The following DOCK8 variants were observed in gnomAD, a reference collection of about 807,000 sequenced individuals.
The protein encoded by DOCK8 is dedicator of cytokinesis 8.
In DOCK8, 141 loss-of-function variants were observed where a neutral mutation model predicts 245.6. That is an observed-to-expected ratio of 0.57 (90% CI 0.50 to 0.66). DOCK8 has a LOEUF of 0.66. DOCK8 is among the 30% of genes least tolerant of loss of function. The pLI is 0.00. For synonymous variants in DOCK8, 1,168 were observed against 970.2 expected (o/e 1.20, Z -3.79); for missense variants, 2,965 against 2,603.4 (o/e 1.14, Z -3.02).
intron 1 of DOCK8, among the ~76,000 whole-genome samples, chr9:264,400 T>G (rs1165961994): frequency 6.6e-6 from 1 of 152,246 alleles, no homozygotes; most frequent in South Asian, 2.1e-4. Context: ...GTTCCATGCC[T>G]TCCAAATAAG....
At chr9:211,922 A>C (rs895245914), upstream of DOCK8, among the ~76,000 whole-genome samples, 6 of 152,178 alleles carry the variant, frequency 3.9e-5, no homozygotes, top group African/African-American at 1.4e-4. Flanking sequence ...TTATGGAGAG[A>C]TAGCTAGCTT....
At chr9:418,981 T>C (rs1268203363) in intron 30 of DOCK8, among the ~76,000 whole-genome samples, 1 of 151,872 alleles carries the variant, frequency 6.6e-6, no homozygotes, top group Non-Finnish European at 1.5e-5. Context: ...CTAAGGAGGG[T>C]TGTTTGGCTC....
intron 4 of DOCK8, among the ~76,000 whole-genome samples, chr9:298,635 G>GTT (rs1399056478): frequency 6.6e-6 from 1 of 151,844 alleles, no homozygotes; most frequent in African/African-American, 2.4e-5. Flanking sequence ...GTGTGTGTGT[G>GTT]TGTGTGTGTG....
intron 14 of DOCK8, among the ~76,000 whole-genome samples, chr9:354,138 T>C (rs2014204): frequency 0.55 from 83,140 of 152,036 alleles, 24,220 homozygotes; most frequent in East Asian, 0.82. Context: ...TCAAGACTAG[T>C]CTGGACAACT....
chr9:425,115 A>G (rs1027170190), intron 33 of DOCK8, among the ~76,000 whole-genome samples: 127 of 152,330 alleles, frequency 8.3e-4, no homozygotes, highest in African/African-American at 3.0e-3. Flanking sequence ...AAATAATTTC[A>G]CTTTTTCTTT....
At chr9:437,716 G>A (rs549019968) in intron 39 of DOCK8, among the ~76,000 whole-genome samples, 1 of 152,212 alleles carries the variant, frequency 6.6e-6, no homozygotes, top group Non-Finnish European at 1.5e-5. Flanking sequence ...ATAAATATGT[G>A]CAAGGAAAAT....
At chr9:370,899 A>G (rs796467594) in intron 16 of DOCK8, among the ~76,000 whole-genome samples, 37 of 152,344 alleles carry the variant, frequency 2.4e-4, no homozygotes, top group African/African-American at 8.4e-4. Context: ...TGGGATGAGG[A>G]TTAAGTGAGG....
At chr9:352,971 T>G (rs2052249040) in intron 14 of DOCK8, among the ~76,000 whole-genome samples, 3 of 152,118 alleles carry the variant, frequency 2.0e-5, no homozygotes, top group Non-Finnish European at 4.4e-5. Context: ...TGCCTGGCAA[T>G]ACTCGTCACC....
rs1444574616 is a variant in DOCK8 at position 421,087 on chromosome 9, G to C, written c.4153+9G>C. Reference sequence around the variant, plus strand: ...GCGCCGCCGGGCTCCAGGTGTGTTGGACTGGCCCTTCCCTGCTCTCTGTCA... The same window carrying C: ...GCGCCGCCGGGCTCCAGGTGTGTTGCACTGGCCCTTCCCTGCTCTCTGTCA... On this transcript the variant is annotated intron_variant, in intron 32 of 47. Coordinates refer to ENST00000432829, the MANE Select transcript of DOCK8 (RefSeq NM_203447.4). 6 of 1,613,868 alleles carry C rather than the reference G, an allele frequency of 3.7e-6. No individual in the cohort carries two copies. The Admixed American group carries it at 5.0e-5, about 13-fold the overall frequency.
At chr9:399,357 T>C (rs1159822390) in intron 26 of DOCK8, 98 bp downstream of exon 26, 2 of 868,132 alleles carry the variant, frequency 2.3e-6, no homozygotes, top group Admixed American at 1.9e-5. Context: ...TCTTCATTAC[T>C]GAGTTGGCAT....
At chr9:264,644 G>C (rs2047995274) in intron 1 of DOCK8, among the ~76,000 whole-genome samples, 1 of 152,182 alleles carries the variant, frequency 6.6e-6, no homozygotes, top group Admixed American at 6.5e-5. Flanking sequence ...TACAGTTATG[G>C]ATAGAGATCT....
chr9:220,863 G>T (rs1424817340), intron 1 of DOCK8: 1 of 292,908 alleles, frequency 3.4e-6, no homozygotes, highest in Non-Finnish European at 6.7e-6. Context: ...TGAGATTACA[G>T]GTGCGCACCA....
chr9:330,195 G>T (rs559924726), intron 9 of DOCK8, among the ~76,000 whole-genome samples: 9 of 152,172 alleles, frequency 5.9e-5, no homozygotes, highest in Non-Finnish European at 1.3e-4. Flanking sequence ...TCAAGATTTT[G>T]TGAAATTTTT....
At chr9:275,202 G>C (rs1442044061) in intron 2 of DOCK8, among the ~76,000 whole-genome samples, 1 of 148,942 alleles carries the variant, frequency 6.7e-6, no homozygotes, top group African/African-American at 2.6e-5. Flanking sequence ...ATATTGGCTA[G>C]TATTGCTCTC....
intron 24 of DOCK8, 29 bp from the exon 25 acceptor site, chr9:396,756 G>A (rs1439840361): frequency 6.2e-7 from 1 of 1,613,920 alleles, no homozygotes; most frequent in African/African-American, 1.3e-5. Flanking sequence ...CAATCTCCAT[G>A]TTGACATTTC....
intron 20 of DOCK8, among the ~76,000 whole-genome samples, chr9:379,126 T>G (rs1432700988): frequency 6.6e-6 from 1 of 152,158 alleles, no homozygotes; most frequent in Admixed American, 6.5e-5. Context: ...ACTGCCTCAT[T>G]TTAAGGGATG....
intron 7 of DOCK8, among the ~76,000 whole-genome samples, chr9:317,916 T>C (rs1423780546): frequency 4.6e-5 from 7 of 152,146 alleles, no homozygotes; most frequent in Non-Finnish European, 1.0e-4. Flanking sequence ...GGGCCAATTA[T>C]TTGCCACATC....
rs763449692 is a variant in DOCK8 at position 449,867 on chromosome 9, G to T, written c.5901G>T (p.Pro1967=). 2.4e-5 allele frequency: 39 copies of T among 1,613,636 alleles called. No homozygotes were observed. The highest frequency in any genetic ancestry group is 1.5e-5 in the Non-Finnish European group (18 of 1,180,036). Residue 1967 remains proline, a synonymous_variant, in exon 45 of 48, where the codon CCG becomes CCT. Coordinates refer to ENST00000432829, the MANE Select transcript of DOCK8 (RefSeq NM_203447.4). ...LQLAVAINQE[P]PDAKMLQMVL... is the part of the protein sequence containing the mutation. ...TAGCAGTTGCCATTAACCAGGAGCC[G>T]CCTGATGCAAAGATGCTTCAGATGG...
chr9:413,259 A>G (rs531224307), intron 28 of DOCK8, among the ~76,000 whole-genome samples: 1 of 152,198 alleles, frequency 6.6e-6, no homozygotes, highest in Non-Finnish European at 1.5e-5. Flanking sequence ...AAACTAACTC[A>G]AATAGATCAA....
Sources: gnomAD v4.1 joint callset for allele counts (sites outside exome capture counted in the v4.1 genomes callset) on GRCh38, gnomAD v4.1.1 for gene constraint, MANE v1.5 for transcripts, NCBI Gene and HGNC (gene_info 2026-07-23, HGNC 2026-07-21) for gene names.